The following MTHFD2 variants were observed in gnomAD, a reference collection of about 807,000 sequenced individuals.
MTHFD2 encodes bifunctional methylenetetrahydrofolate dehydrogenase/cyclohydrolase, mitochondrial.
MTHFD2 carries 26 observed loss-of-function variants against 36.8 expected under a neutral mutation model. That is an observed-to-expected ratio of 0.71 (90% confidence interval 0.52 to 0.98). The LOEUF (loss-of-function observed/expected upper bound fraction) is 0.98, where lower values mean the gene tolerates loss of function less well. Ranked by LOEUF, MTHFD2 falls within the 50% of genes least tolerant of loss-of-function variation. The probability of loss-of-function intolerance (pLI) is 0.00; values close to 1 mark genes in which losing one functional copy is unlikely to be tolerated. For synonymous variants in MTHFD2, 164 were observed against 155.2 expected (o/e 1.06, Z -0.42); for missense variants, 373 against 434.0 (o/e 0.86, Z 1.25).
chr2:74,213,185 T>G (rs1486475081), intron 7 of MTHFD2, among the ~76,000 whole-genome samples: 2 of 151,774 alleles, frequency 1.3e-5, no homozygotes, highest in Non-Finnish European at 2.9e-5. Context: ...ATTACAGGTG[T>G]GAGCCACTGC....
intron 7 of MTHFD2, among the ~76,000 whole-genome samples, chr2:74,213,746 CTTAAAA>C (rs755693670): frequency 5.3e-4 from 81 of 152,132 alleles, no homozygotes; most frequent in South Asian, 1.0e-3. Context: ...ACAAATTATA[CTTAAAA>C]TTAAATTAAG....
At chr2:74,204,762 T>G (rs949123399) in intron 1 of MTHFD2, among the ~76,000 whole-genome samples, 4 of 152,192 alleles carry the variant, frequency 2.6e-5, no homozygotes, top group Non-Finnish European at 5.9e-5. Context: ...AGGAAAGTCT[T>G]CCCCAGAAGG....
intron 5 of MTHFD2, among the ~76,000 whole-genome samples, 200 bp downstream of exon 5, chr2:74,210,249 A>G (rs1012650874): frequency 2.0e-5 from 3 of 152,232 alleles, no homozygotes; most frequent in Admixed American, 2.0e-4. Flanking sequence ...TTCATTTATC[A>G]TGTAACTAGC....
At position 74,214,161 on chromosome 2, in the gene MTHFD2, C is replaced by T; in HGVS notation, c.972C>T (p.Thr324=). 3.1e-6 allele frequency: 5 copies of T among 1,614,076 alleles called. No homozygotes were observed. The highest frequency in any genetic ancestry group is 4.2e-6 in the Non-Finnish European group (5 of 1,179,968). ...PMTVAMLMKN[T]IIAAKKVLRL... ...CAGTGGCAATGCTAATGAAGAATACCATTATTGCTGCAAAAAAGGTGCTGA... is the reference window on the plus strand; with the variant it reads ...CAGTGGCAATGCTAATGAAGAATACTATTATTGCTGCAAAAAAGGTGCTGA... Residue 324 remains threonine (T), a synonymous_variant, in exon 8 of 8, where the codon ACC becomes ACT. Coordinates refer to ENST00000394053, the MANE Select transcript of MTHFD2 (RefSeq NM_006636.4).
At chr2:74,213,257 CTT>C in intron 7 of MTHFD2, among the ~76,000 whole-genome samples, 1 of 128,742 alleles carries the variant, frequency 7.8e-6, no homozygotes, top group East Asian at 2.1e-4. Context: ...GCTGATAATC[CTT>C]TTTTTCTTTC....
At chr2:74,210,729 TA>T (rs1694282900) in intron 5 of MTHFD2, among the ~76,000 whole-genome samples, 2 of 151,074 alleles carry the variant, frequency 1.3e-5, no homozygotes, top group African/African-American at 2.4e-5. Context: ...GTATTAATTT[TA>T]AAAAAGTAAA....
At chr2:74,200,160 C>T (rs1694009822) in intron 1 of MTHFD2, among the ~76,000 whole-genome samples, 1 of 152,184 alleles carries the variant, frequency 6.6e-6, no homozygotes, top group Non-Finnish European at 1.5e-5. Context: ...TGACTCTTGA[C>T]CTCCCCCATG....
Position 74,205,723 on chromosome 2 carries a change from T to C in MTHFD2, c.120T>C (p.Ile40=), listed in dbSNP as rs1231136838. ...LAAVRNEAVV[I]SGRKLAQQIK... is the part of the protein sequence containing the mutation. ...TCTGCAGAAATGAAGCTGTTGTCAT[T>C]TCTGGAAGGAAACTGGCCCAGCAGA... Residue 40 remains isoleucine (I), a synonymous_variant, in exon 2 of 8, where the codon ATT becomes ATC. Coordinates refer to ENST00000394053, the MANE Select transcript of MTHFD2 (RefSeq NM_006636.4). 1.2e-6 allele frequency: 2 copies of C among 1,613,668 alleles called. No individual in the cohort carries two copies. The highest frequency in any genetic ancestry group is 2.7e-5 in the African/African-American group (2 of 74,830).
Position 74,205,670 on chromosome 2 carries a change from G to C in MTHFD2, c.102-35G>C, listed in dbSNP as rs145257868. 3.0e-3 allele frequency: 4,784 copies of C among 1,602,266 alleles called. 233 individuals are homozygous for C. In the Admixed American group the frequency reaches 0.079, roughly 27 times the overall value. On this transcript the variant is annotated intron_variant, in intron 1 of 7. Coordinates refer to ENST00000394053, the MANE Select transcript of MTHFD2 (RefSeq NM_006636.4). ...AGTTTTAGTTTTTATAAAAATTCAA[G>C]TTATTTGGTTTTGTGACTCTGTTGC...
intron 2 of MTHFD2, chr2:74,206,744 T>A (rs1320797317): frequency 6.6e-6 from 1 of 152,378 alleles, no homozygotes; most frequent in Non-Finnish European, 1.5e-5. Flanking sequence ...ATTTCGCTCT[T>A]GTTGCCCAGG....
chr2:74,213,686 T>A (rs944623787), intron 7 of MTHFD2, among the ~76,000 whole-genome samples: 1 of 151,572 alleles, frequency 6.6e-6, no homozygotes, highest in African/African-American at 2.4e-5. Flanking sequence ...TTAGGTTAAT[T>A]TTTTTTTTAA....
In MTHFD2 at chr2:74,214,430, C is replaced by T; in HGVS notation, c.*188C>T. On this transcript the variant is annotated 3_prime_UTR_variant, in exon 8 of 8. Coordinates refer to ENST00000394053, the MANE Select transcript of MTHFD2 (RefSeq NM_006636.4). ...TGCAGTACCTCACCAGGGAGCATTCCAGTATCATGCAGGGTCCTGTGATCT... is the reference window on the plus strand; with the variant it reads ...TGCAGTACCTCACCAGGGAGCATTCTAGTATCATGCAGGGTCCTGTGATCT... 1 of 515,550 alleles carries T rather than the reference C, an allele frequency of 1.9e-6. No homozygotes were observed. The highest frequency in any genetic ancestry group is 3.3e-6 in the Non-Finnish European group (1 of 299,146). The allele number at this position is 515,550 out of a possible 1,614,324, so 31.9% of individuals were successfully genotyped here.
intron 1 of MTHFD2, among the ~76,000 whole-genome samples, chr2:74,203,892 TTTAGTTTAGTTTAG>T (rs770799948): frequency 0.095 from 3,125 of 32,918 alleles, 147 homozygotes; most frequent in African/African-American, 0.29. Context: ...TTTAGTTTAG[TTTAGTTTAGTTTAG>T]TTAGTTTAGT....
At position 74,216,183 on chromosome 2, in the gene MTHFD2, G is replaced by C. The variant is rs771653833; in HGVS notation, c.*1941G>C. On this transcript the variant is annotated 3_prime_UTR_variant, in exon 8 of 8. Transcript: ENST00000394053. ...TGCTGGAGATGTTTTTGTAAGTGAC[G>C]TATAGCTTATGTCTCTAATCCATGC... The C allele has an allele frequency of 6.6e-6, 1 of 152,142 alleles. No homozygotes were observed. The allele number at this position is 152,142 out of a possible 1,614,324, so 9.4% of individuals were successfully genotyped here.
chr2:74,209,875 A>C (rs1433182638), intron 4 of MTHFD2, 67 bp from the exon 5 acceptor site: 3 of 1,398,470 alleles, frequency 2.1e-6, no homozygotes, highest in Non-Finnish European at 2.0e-6. Flanking sequence ...TTCATGTTCT[A>C]GGCCATCTGA....
chr2:74,202,450 C>T (rs1435988507), intron 1 of MTHFD2, among the ~76,000 whole-genome samples: 1 of 151,974 alleles, frequency 6.6e-6, no homozygotes, highest in Non-Finnish European at 1.5e-5. Context: ...ATTCCAGGTA[C>T]TAATACAAAT....
At position 74,215,104 on chromosome 2, in the gene MTHFD2, A is replaced by G. The variant is rs1215320406; in HGVS notation, c.*862A>G. ...GATAATCATTTGGGCAGCTTGGGTA[A>G]GTACGCAACTTACTTTTCCACCAAA... is the stretch of plus-strand genomic sequence containing the variant. On this transcript the variant is annotated 3_prime_UTR_variant, in exon 8 of 8. Coordinates refer to ENST00000394053, the MANE Select transcript of MTHFD2 (RefSeq NM_006636.4). 3 of 152,668 alleles carry G rather than the reference A, an allele frequency of 2.0e-5. No homozygotes were observed. Among genetic ancestry groups the G allele is most frequent in the Non-Finnish European group, 4.4e-5 (3 of 68,038 alleles). The allele number at this position is 152,668 out of a possible 1,614,324, so 9.5% of individuals were successfully genotyped here. A position where few individuals can be genotyped will look rare whatever the true frequency, so the allele number is the denominator to read the frequency against.
At chr2:74,212,403 A>C (rs1178999871) in intron 7 of MTHFD2, among the ~76,000 whole-genome samples, 1 of 151,028 alleles carries the variant, frequency 6.6e-6, no homozygotes. Context: ...AGTAGCCAGG[A>C]CTACAGGCAT....
chr2:74,211,288 G>A lies in MTHFD2; in HGVS notation c.760G>A (p.Ala254Thr). The change falls in exon 6 of 8, where the codon GCA becomes ACA. Residue 254 changes from alanine (A) to threonine (T), a missense_variant. By Grantham distance (58) the Ala-to-Thr change is moderately conservative. Transcript: ENST00000394053. ...TCTTGCAGATATTGTAATATCTGCT[G>A]CAGGTAAGAACACAAGGGGGATGGA... is the stretch of plus-strand genomic sequence containing the variant. ...TILADIVISA[A>T]GIPNLITADM... 1.3e-6 allele frequency: 2 copies of A among 1,587,174 alleles called. No individual in the cohort carries two copies. Among genetic ancestry groups the A allele is most frequent in the South Asian group, 1.1e-5 (1 of 89,816 alleles).
Sources: gnomAD v4.1 joint callset for allele counts (sites outside exome capture counted in the v4.1 genomes callset) on GRCh38, gnomAD v4.1.1 for gene constraint, MANE v1.5 for transcripts, NCBI Gene and HGNC (gene_info 2026-07-23, HGNC 2026-07-21) for gene names.